Variants in SCAF8 observed in about 807,000 individuals in gnomAD.
SCAF8 encodes the protein SR-related and CTD-associated factor 8.
SCAF8 carries 23 observed loss-of-function variants against 140.5 expected under a neutral mutation model. The observed-to-expected ratio is 0.16, with a 90% CI of 0.12 to 0.23. The LOEUF (loss-of-function observed/expected upper bound fraction) is 0.23. Among genes scored for constraint, SCAF8 ranks in the 10% least tolerant of loss-of-function variants. The pLI is 1.00. For synonymous variants in SCAF8, 575 were observed against 528.9 expected, an observed-to-expected ratio of 1.09 and a Z score of -1.20; for missense variants, 1,397 against 1,555.7, an observed-to-expected ratio of 0.90 and a Z score of 1.72.
At chr6:154,742,321 TTGAG>T (rs1265019411) in intron 1 of SCAF8, among the ~76,000 whole-genome samples, 6 of 152,188 alleles carry the variant, frequency 3.9e-5, no homozygotes, top group African/African-American at 4.8e-5. Context: ...ATAGAACTAT[TTGAG>T]TGAATTGCAG....
intron 1 of SCAF8, among the ~76,000 whole-genome samples, chr6:154,754,322 G>A (rs189150562): frequency 2.0e-5 from 3 of 152,214 alleles, no homozygotes; most frequent in African/African-American, 4.8e-5. Flanking sequence ...TTGGTTATTC[G>A]TTGGTGCTAC....
intron 9 of SCAF8, 64 bp from the exon 10 acceptor site, chr6:154,808,006 T>C: frequency 3.5e-6 from 5 of 1,445,338 alleles, no homozygotes; most frequent in Non-Finnish European, 4.7e-6. Flanking sequence ...TTGCTGTGTT[T>C]ACATTTTCAT....
At chr6:154,741,848 ATGT>A (rs1562421483) in intron 1 of SCAF8, 1 of 679,480 alleles carries the variant, frequency 1.5e-6, no homozygotes, top group South Asian at 1.6e-5. Flanking sequence ...GTGTGAAAGA[ATGT>A]AATCAACCTT....
intron 1 of SCAF8, among the ~76,000 whole-genome samples, chr6:154,770,384 A>ACTCT (rs1562436529): frequency 1.5e-5 from 2 of 137,280 alleles, no homozygotes; most frequent in Non-Finnish European, 3.1e-5. Flanking sequence ...ACACACACAC[A>ACTCT]CACACTCTCT....
upstream of SCAF8, chr6:154,733,381 G>C (rs142984398): frequency 1.5e-6 from 2 of 1,315,092 alleles, no homozygotes; most frequent in East Asian, 3.1e-5. Context: ...CGGCGCCGCG[G>C]ATCCCCGAAC....
At chr6:154,807,063 G>C (rs1777938786) in intron 9 of SCAF8, among the ~76,000 whole-genome samples, 1 of 152,200 alleles carries the variant, frequency 6.6e-6, no homozygotes, top group Non-Finnish European at 1.5e-5. Flanking sequence ...TTTAGTCATA[G>C]TTTCATTTTA....
intron 1 of SCAF8, among the ~76,000 whole-genome samples, chr6:154,747,671 G>A (rs62434252): frequency 3.9e-4 from 59 of 152,186 alleles, no homozygotes; most frequent in Non-Finnish European, 6.6e-4. Context: ...AATTATAATC[G>A]AGCAGAACAG....
At chr6:154,739,933 C>T (rs1334935891) in intron 1 of SCAF8, among the ~76,000 whole-genome samples, 7 of 151,910 alleles carry the variant, frequency 4.6e-5, no homozygotes, top group Non-Finnish European at 1.0e-4. Context: ...GTTTATTTTT[C>T]CTTTGTTGAT....
intron 2 of SCAF8, among the ~76,000 whole-genome samples, chr6:154,776,635 A>G (rs1776925461): frequency 6.6e-6 from 1 of 152,224 alleles, no homozygotes; most frequent in African/African-American, 2.4e-5. Flanking sequence ...AGGGGCCTCT[A>G]AAGTGCCTAA....
intron 1 of SCAF8, among the ~76,000 whole-genome samples, chr6:154,756,043 G>A (rs762073827): frequency 2.0e-5 from 3 of 152,080 alleles, no homozygotes; most frequent in Admixed American, 6.6e-5. Context: ...TTATGCTTGT[G>A]GTTTCTAACT....
chr6:154,804,911 G>A (rs1335448541), intron 8 of SCAF8, among the ~76,000 whole-genome samples: 1 of 152,048 alleles, frequency 6.6e-6, no homozygotes, highest in East Asian at 1.9e-4. Flanking sequence ...ATTTTCTAAA[G>A]GAAGAATATT....
chr6:154,815,611 C>A, intron 12 of SCAF8, 105 bp from the exon 13 acceptor site: 2 of 457,394 alleles, frequency 4.4e-6, no homozygotes, highest in South Asian at 3.9e-5. Context: ...AATATATTAT[C>A]TTAAATTTAA....
At position 154,733,651 on chromosome 6, in the gene SCAF8, C is replaced by T; in HGVS notation, c.-250C>T. 1.6e-6 allele frequency: 2 copies of T among 1,289,824 alleles called. No individual in the cohort carries two copies. Among genetic ancestry groups the T allele is most frequent in the Non-Finnish European group, 2.0e-6 (2 of 1,022,286 alleles). The allele number at this position is 1,289,824 out of a possible 1,614,324, so 79.9% of individuals were successfully genotyped here. A position where few individuals can be genotyped will look rare whatever the true frequency, so the allele number is the denominator to read the frequency against. On this transcript the variant is annotated 5_prime_UTR_variant, in exon 1 of 20. Transcript: ENST00000367178. ...TCCCCCGCCCGCCGCCGACCCGCCC[C>T]GGCAGCGCCTCTGTTCCCTAGAACG...
chr6:154,822,928 T>G (rs1778462266), intron 16 of SCAF8, among the ~76,000 whole-genome samples: 1 of 152,202 alleles, frequency 6.6e-6, no homozygotes, highest in African/African-American at 2.4e-5. Flanking sequence ...TAAATATGAT[T>G]GTGAGATCCT....
chr6:154,797,042 C>A (rs992037559), intron 6 of SCAF8, among the ~76,000 whole-genome samples: 1 of 149,926 alleles, frequency 6.7e-6, no homozygotes, highest in Non-Finnish European at 1.5e-5. Flanking sequence ...GATTAATTTT[C>A]GATAACATTT....
chr6:154,818,352 A>C, intron 13 of SCAF8, 127 bp from the exon 14 acceptor site: 1 of 420,688 alleles, frequency 2.4e-6, no homozygotes, highest in African/African-American at 2.1e-5. Context: ...GAAAGGGGAA[A>C]ATAAGTCAGT....
Position 154,802,126 on chromosome 6 carries a change from ACAG to A in SCAF8, c.763_765del (p.Gln255del), listed in dbSNP as rs1285366264. On this transcript the variant is annotated inframe_deletion, in exon 7 of 20. Coordinates refer to ENST00000367178, the MANE Select transcript of SCAF8 (RefSeq NM_014892.5). The stretch of plus-strand genomic sequence containing the variant: ...CTGCCAACACTCTTACTCCCTTAGA[ACAG>A]GGAGTCTCCTTTAACAAGGTAGAAA... 7.5e-6 allele frequency: 12 copies of A among 1,596,770 alleles called. No homozygotes were observed. Among genetic ancestry groups the A allele is most frequent in the Non-Finnish European group, 1.0e-5 (12 of 1,173,174 alleles).
chr6:154,829,236 T>TC (rs1256329445), intron 18 of SCAF8, among the ~76,000 whole-genome samples: 1 of 151,990 alleles, frequency 6.6e-6, no homozygotes, highest in Non-Finnish European at 1.5e-5. Context: ...TAAGTGATTT[T>TC]TTTTTTTTTT....
At chr6:154,770,596 C>A (rs1374418495) in intron 1 of SCAF8, among the ~76,000 whole-genome samples, 1 of 151,908 alleles carries the variant, frequency 6.6e-6, no homozygotes, top group Non-Finnish European at 1.5e-5. Context: ...AAAAAAAATT[C>A]TTAGAAAGTA....
Sources: gnomAD v4.1 joint callset for allele counts (sites outside exome capture counted in the v4.1 genomes callset) on GRCh38, gnomAD v4.1.1 for gene constraint, MANE v1.5 for transcripts, NCBI Gene and HGNC (gene_info 2026-07-23, HGNC 2026-07-21) for gene names.